ALS2: variants seen among roughly 807,000 people sequenced by gnomAD.
ALS2 encodes alsin Rho guanine nucleotide exchange factor ALS2, also known as alsin.
A neutral mutation model predicts 203.4 loss-of-function variants in ALS2; 117 were observed. The ratio of observed to expected loss-of-function variants is 0.58; its 90% confidence interval spans 0.50 to 0.67. ALS2 has a LOEUF of 0.67. Ranked by LOEUF, ALS2 falls within the 30% of genes least tolerant of loss-of-function variation. The pLI is 0.00. For synonymous variants in ALS2, 718 were observed against 725.9 expected (o/e 0.99, Z 0.17); for missense variants, 1,715 against 1,989.4 (o/e 0.86, Z 2.62).
Position 201,768,858 on chromosome 2 carries a change from G to A in ALS2, c.20+8C>T. The A allele has an allele frequency of 6.2e-7, 1 of 1,612,818 alleles. No homozygotes were observed. Among genetic ancestry groups the A allele is most frequent in the South Asian group, 1.1e-5 (1 of 91,024 alleles). The stretch of plus-strand genomic sequence containing the variant: ...GGAGGATAAGAGAAAAGGAAGAAAT[G>A]ATTTTACCTTCTCTTCTTTGAGTCC... On this transcript the variant is annotated splice_region_variant and intron_variant, in intron 2 of 33. Transcript: ENST00000264276.
In ALS2 at chr2:201,710,996, T is replaced by C; in HGVS notation, c.4117A>G (p.Ile1373Val). ...EKYDDIRKYL[I>V]KACDTPLHPL... ...TAATTTTTACTCTAGTTTACCTTTA[T>C]TAAATATTTCCTGATGTCATCATAT... Residue 1373 changes from isoleucine (I) to valine (V), a missense_variant, in exon 26 of 34, where the codon ATA becomes GTA. This residue lies in a region of ALS2 where 1,227 missense variants were observed against 1,413.5 expected (regional missense o/e 0.87). Transcript: ENST00000264276. 6.3e-7 allele frequency: 1 copy of C among 1,584,094 alleles called. No individual in the cohort carries two copies. Among genetic ancestry groups the C allele is most frequent in the Non-Finnish European group, 8.7e-7 (1 of 1,152,950 alleles).
intron 3 of ALS2, among the ~76,000 whole-genome samples, chr2:201,763,921 T>C (rs1373554201): frequency 6.6e-6 from 1 of 152,236 alleles, no homozygotes; most frequent in Non-Finnish European, 1.5e-5. Context: ...CAGAGATTTA[T>C]GATTTTTTTT....
At chr2:201,713,138 T>TC (rs1553502223) in intron 25 of ALS2, among the ~76,000 whole-genome samples, 3 of 105,096 alleles carry the variant, frequency 2.9e-5, no homozygotes, top group East Asian at 3.0e-4. Context: ...CTTTTCTTTT[T>TC]TTTTTTTTTT....
chr2:201,718,358 A>T lies in ALS2; in HGVS notation c.3703-148T>A, dbSNP rs1039209062. ...CACTGCAACCTCCGCTTCCTGGGTT[A>T]AAGTGATCCTCCTGCCTCAGCCTCC... On this transcript the variant is annotated intron_variant, in intron 23 of 33. Coordinates refer to ENST00000264276, the MANE Select transcript of ALS2 (RefSeq NM_020919.4). The T allele has an allele frequency of 3.4e-6, 3 of 870,552 alleles. No individual in the cohort carries two copies. In the African/African-American group the frequency reaches 5.0e-5, roughly 15 times the overall value. The allele number at this position is 870,552 out of a possible 1,614,324, so 53.9% of individuals were successfully genotyped here.
intron 29 of ALS2, 109 bp downstream of exon 29, chr2:201,706,737 T>C (rs1000874424): frequency 3.5e-6 from 4 of 1,143,620 alleles, no homozygotes; most frequent in African/African-American, 1.6e-5. Context: ...ATGCAAAAAA[T>C]AATTACAAGC....
rs547362159 is a variant in ALS2, at chr2:201,727,417, G to A, written c.2913-139C>T. ...TGTAAATGCTTGCTTGGTTTTGGGC[G>A]CCACCACGGTGGAAAGAACAAAGAA... On this transcript the variant is annotated intron_variant, in intron 16 of 33. Transcript: ENST00000264276. 2.3e-5 allele frequency: 19 copies of A among 827,920 alleles called. 1 individual carries two copies. Among genetic ancestry groups the A allele is most frequent in the African/African-American group, 6.7e-5 (4 of 59,304 alleles). The allele number at this position is 827,920 out of a possible 1,614,324, so 51.3% of individuals were successfully genotyped here. A position where few individuals can be genotyped will look rare whatever the true frequency, so the allele number is the denominator to read the frequency against.
intron 25 of ALS2, among the ~76,000 whole-genome samples, chr2:201,715,383 T>C (rs1319854060): frequency 1.3e-5 from 2 of 152,174 alleles, no homozygotes; most frequent in African/African-American, 4.8e-5. Context: ...GCAAAACATC[T>C]AAGTAAACTC....
At chr2:201,745,631 G>A (rs1692583374) in intron 9 of ALS2, among the ~76,000 whole-genome samples, 1 of 152,064 alleles carries the variant, frequency 6.6e-6, no homozygotes, top group South Asian at 2.1e-4. Flanking sequence ...ATAAAAAGGG[G>A]ATAAACAGTA....
intron 4 of ALS2, 130 bp downstream of exon 4, chr2:201,760,751 A>C: frequency 6.9e-7 from 1 of 1,448,928 alleles, no homozygotes; most frequent in Non-Finnish European, 9.1e-7. Flanking sequence ...CTTGCCTGAT[A>C]AAACAAAATT....
Position 201,705,403 on chromosome 2 carries a change from A to T in ALS2, c.4626+13T>A, listed in dbSNP as rs1179739516. The T allele has an allele frequency of 6.2e-7, 1 of 1,613,368 alleles. No individual in the cohort carries two copies. The highest frequency in any genetic ancestry group is 8.5e-7 in the Non-Finnish European group (1 of 1,179,354). ...AAAAGCATATTTGCTGAGGAAAAGAAAATCTACTATACCTTTTTACTCTCT... is the reference window on the plus strand; with the variant it reads ...AAAAGCATATTTGCTGAGGAAAAGATAATCTACTATACCTTTTTACTCTCT... On this transcript the variant is annotated intron_variant, in intron 30 of 33. Transcript: ENST00000264276.
intron 9 of ALS2, among the ~76,000 whole-genome samples, chr2:201,745,403 C>A (rs1479520822): frequency 1.3e-5 from 2 of 151,720 alleles, no homozygotes; most frequent in Non-Finnish European, 1.5e-5. Context: ...AACTTACTAG[C>A]CAGAAAAACA....
Position 201,751,756 on chromosome 2 carries a change from C to T in ALS2, c.1737+1390G>A, listed in dbSNP as rs73055607. ...AGACTCATCTTAATTTGTTCATACA[C>T]ACACACGCACACATACACACAGTTC... On this transcript the variant is annotated intron_variant, in intron 7 of 33. Coordinates refer to ENST00000264276, the MANE Select transcript of ALS2 (RefSeq NM_020919.4). Among the ~76,000 whole-genome samples, 1,166 of 152,260 alleles carry T rather than the reference C, an allele frequency of 7.7e-3. 10 individuals are homozygous for T. The highest frequency in any genetic ancestry group is 0.027 in the African/African-American group (1,116 of 41,552).
intron 25 of ALS2, among the ~76,000 whole-genome samples, chr2:201,712,245 T>C (rs1341784503): frequency 6.6e-6 from 1 of 152,206 alleles, no homozygotes; most frequent in Non-Finnish European, 1.5e-5. Context: ...AATTAGTATT[T>C]GTTAGACTTG....
intron 10 of ALS2, among the ~76,000 whole-genome samples, 172 bp downstream of exon 10, chr2:201,744,086 T>C (rs558088995): frequency 2.1e-4 from 32 of 152,270 alleles, no homozygotes; most frequent in Non-Finnish European, 2.9e-4. Context: ...AGTGAGGCTA[T>C]TGACAAATTG....
intron 11 of ALS2, among the ~76,000 whole-genome samples, chr2:201,739,102 G>C (rs1248825244): frequency 1.3e-5 from 2 of 151,870 alleles, no homozygotes; most frequent in East Asian, 3.9e-4. Flanking sequence ...AGTCAGGCAT[G>C]GTGGCACATG....
chr2:201,749,647 G>A, intron 8 of ALS2, 65 bp downstream of exon 8: 3 of 1,344,134 alleles, frequency 2.2e-6, no homozygotes, highest in South Asian at 1.2e-5. Flanking sequence ...AATAAGAAAT[G>A]GAGAAGTATA....
intron 3 of ALS2, chr2:201,765,880 G>C (rs944809370): frequency 6.0e-6 from 1 of 166,960 alleles, no homozygotes; most frequent in Non-Finnish European, 1.5e-5. Context: ...TTAAAAGCAG[G>C]CTTTGAAATC....
rs1489452782 is a variant in ALS2 at position 201,704,947 on chromosome 2, C to T, written c.4688+192G>A. Among the ~76,000 whole-genome samples, 6 of 152,196 alleles carry T rather than the reference C, an allele frequency of 3.9e-5. No individual in the cohort carries two copies. In the East Asian group the frequency reaches 1.2e-3, roughly 29 times the overall value. On this transcript the variant is annotated intron_variant, in intron 31 of 33. Coordinates refer to ENST00000264276, the MANE Select transcript of ALS2 (RefSeq NM_020919.4). ...TGGCTCTCTCCTACTTTTGAAAATG[C>T]AAGGTCATTTTAGAGTAAAAGATAA...
Position 201,761,514 on chromosome 2 carries a change from C to T in ALS2, c.480G>A (p.Glu160=), listed in dbSNP as rs752899793. The change falls in exon 4 of 34, where the codon GAG becomes GAA. Residue 160 remains glutamate (E), a synonymous_variant. Coordinates refer to ENST00000264276, the MANE Select transcript of ALS2 (RefSeq NM_020919.4). ...VRILQLACGE[E]HTLALSISRE... is the part of the protein sequence containing the mutation. ...TGCTTATTGACAATGCCAGAGTGTGCTCCTCGCCACACGCCAACTGTAAAA... is the reference window on the plus strand; with the variant it reads ...TGCTTATTGACAATGCCAGAGTGTGTTCCTCGCCACACGCCAACTGTAAAA... The T allele has an allele frequency of 1.2e-6, 2 of 1,613,852 alleles. No individual in the cohort carries two copies. Among genetic ancestry groups the T allele is most frequent in the South Asian group, 2.2e-5 (2 of 91,082 alleles).
Sources: gnomAD v4.1 joint callset for allele counts (sites outside exome capture counted in the v4.1 genomes callset) on GRCh38, gnomAD v4.1.1 for gene constraint, gnomAD v4.1.1 regional missense constraint, MANE v1.5 for transcripts, NCBI Gene and HGNC (gene_info 2026-07-23, HGNC 2026-07-21) for gene names.